Variants in DCC observed in about 807,000 individuals in gnomAD.
DCC encodes netrin receptor DCC.
DCC carries 58 observed loss-of-function variants against 172.5 expected under a neutral mutation model. That is an observed-to-expected ratio of 0.34 (90% confidence interval 0.27 to 0.42). DCC has a LOEUF of 0.42. Ranked by LOEUF, DCC falls within the 10% of genes least tolerant of loss-of-function variation. The pLI, the probability that DCC is intolerant of heterozygous loss-of-function variation, is 1.00. For synonymous variants in DCC, 709 were observed against 644.5 expected (o/e 1.10, Z -1.52); for missense variants, 1,740 against 1,791.0 (o/e 0.97, Z 0.51).
chr18:52,998,486 GCTT>G (rs1305775827), intron 5 of DCC, among the ~76,000 whole-genome samples: 1 of 151,980 alleles, frequency 6.6e-6, no homozygotes. Context: ...AATAAAACAG[GCTT>G]CTTTTTAGAT....
At chr18:53,437,039 T>A (rs999530151) in intron 22 of DCC, among the ~76,000 whole-genome samples, 5 of 152,162 alleles carry the variant, frequency 3.3e-5, no homozygotes, top group African/African-American at 1.2e-4. Flanking sequence ...AGCCTCCACC[T>A]CTTAATGCCT....
At chr18:53,248,668 CTT>C (rs1330522170) in intron 12 of DCC, among the ~76,000 whole-genome samples, 2 of 151,970 alleles carry the variant, frequency 1.3e-5, no homozygotes, top group African/African-American at 4.8e-5. Context: ...CAATTAAACA[CTT>C]TGTTTTTTAA....
At chr18:52,943,878 C>T (rs1016640634) in intron 5 of DCC, among the ~76,000 whole-genome samples, 5 of 152,060 alleles carry the variant, frequency 3.3e-5, no homozygotes, top group African/African-American at 1.2e-4. Flanking sequence ...GCCTCCTGAG[C>T]AGCTGGGGCC....
intron 1 of DCC, among the ~76,000 whole-genome samples, chr18:52,656,205 A>G (rs2035251786): frequency 1.3e-5 from 2 of 151,582 alleles, no homozygotes; most frequent in Admixed American, 1.3e-4. Context: ...CCTAACCCCC[A>G]AAGTGATGGT....
intron 2 of DCC, among the ~76,000 whole-genome samples, chr18:52,840,612 A>G (rs2038786932): frequency 6.6e-6 from 1 of 152,234 alleles, no homozygotes; most frequent in South Asian, 2.1e-4. Flanking sequence ...TACTTTGACT[A>G]AAGTCATCAT....
intron 2 of DCC, among the ~76,000 whole-genome samples, chr18:52,867,552 A>T (rs2039247799): frequency 6.6e-6 from 1 of 151,800 alleles, no homozygotes; most frequent in African/African-American, 2.4e-5. Context: ...TACTGCCTCA[A>T]TTTCAGAACT....
chr18:53,417,611 T>C (rs1910394379), intron 21 of DCC, among the ~76,000 whole-genome samples: 1 of 152,140 alleles, frequency 6.6e-6, no homozygotes, highest in Non-Finnish European at 1.5e-5. Flanking sequence ...CTTCTTTACT[T>C]AAATAAATTT....
At chr18:52,466,294 A>G (rs532377478) in intron 1 of DCC, among the ~76,000 whole-genome samples, 168 of 152,314 alleles carry the variant, frequency 1.1e-3, no homozygotes, top group African/African-American at 3.8e-3. Context: ...GGTCTAACAT[A>G]AAAATAGTGG....
chr18:52,804,484 C>T (rs143116991), intron 2 of DCC, among the ~76,000 whole-genome samples: 23 of 152,248 alleles, frequency 1.5e-4, no homozygotes, highest in East Asian at 3.9e-4. Flanking sequence ...GAAGTATCAT[C>T]GGTTTATAGA....
At chr18:52,575,091 C>A (rs1356268287) in intron 1 of DCC, among the ~76,000 whole-genome samples, 1 of 152,096 alleles carries the variant, frequency 6.6e-6, no homozygotes, top group South Asian at 2.1e-4. Context: ...TGGAATTTAG[C>A]AGCCCATTTA....
At chr18:52,587,299 C>T (rs1207721177) in intron 1 of DCC, among the ~76,000 whole-genome samples, 2 of 152,164 alleles carry the variant, frequency 1.3e-5, no homozygotes, top group African/African-American at 4.8e-5. Context: ...AACCTCCATC[C>T]CTACTACCAT....
chr18:53,123,465 G>A (rs2043512382), intron 7 of DCC, among the ~76,000 whole-genome samples: 1 of 152,132 alleles, frequency 6.6e-6, no homozygotes. Flanking sequence ...GTTCCCAGAG[G>A]CCCTGCAAGT....
At chr18:53,317,062 A>G (rs1051963875) in intron 13 of DCC, among the ~76,000 whole-genome samples, 1 of 152,230 alleles carries the variant, frequency 6.6e-6, no homozygotes, top group Non-Finnish European at 1.5e-5. Flanking sequence ...TTGCCCATGC[A>G]GTATATTGGC....
intron 1 of DCC, among the ~76,000 whole-genome samples, chr18:52,652,110 A>C (rs1270499169): frequency 6.6e-6 from 1 of 152,222 alleles, no homozygotes; most frequent in Non-Finnish European, 1.5e-5. Flanking sequence ...GGCGGTCTTG[A>C]CACACCAGGC....
intron 11 of DCC, among the ~76,000 whole-genome samples, chr18:53,213,205 A>G (rs2055785408): frequency 6.6e-6 from 1 of 152,220 alleles, no homozygotes; most frequent in Non-Finnish European, 1.5e-5. Flanking sequence ...TTCTTCCAAA[A>G]TTCAATTATC....
chr18:52,869,940 G>C (rs1430621843), intron 2 of DCC, among the ~76,000 whole-genome samples: 1 of 152,200 alleles, frequency 6.6e-6, no homozygotes, highest in African/African-American at 2.4e-5. Context: ...TCCTGCGACA[G>C]GGAGGGCAGG....
intron 22 of DCC, among the ~76,000 whole-genome samples, chr18:53,444,744 A>T (rs547892139): frequency 1.3e-5 from 2 of 152,346 alleles, no homozygotes; most frequent in Admixed American, 6.5e-5. Flanking sequence ...GTAAACTTTT[A>T]TATGCACTGG....
intron 1 of DCC, among the ~76,000 whole-genome samples, chr18:52,702,651 A>T (rs1470701901): frequency 6.6e-6 from 1 of 152,130 alleles, no homozygotes; most frequent in East Asian, 1.9e-4. Flanking sequence ...TCTAGTACAG[A>T]ACTGTTAGGA....
intron 1 of DCC, among the ~76,000 whole-genome samples, chr18:52,446,078 G>T (rs550131050): frequency 3.9e-5 from 6 of 152,182 alleles, no homozygotes; most frequent in Admixed American, 2.0e-4. Context: ...GACTACAGGC[G>T]CCCGCCACCG....
Sources: allele counts gnomAD v4.1 joint callset (sites outside exome capture counted in the v4.1 genomes callset), GRCh38; gene constraint gnomAD v4.1.1; transcripts MANE v1.5; gene names NCBI Gene and HGNC (gene_info 2026-07-23, HGNC 2026-07-21).